The following RBFOX1 variants were observed in gnomAD, a reference collection of about 807,000 sequenced individuals.
RBFOX1 encodes the protein RNA binding fox-1 homolog 1.
RBFOX1 carries 8 observed loss-of-function variants against 57.7 expected under a neutral mutation model. The ratio of observed to expected loss-of-function variants is 0.14; its 90% CI spans 0.08 to 0.25. The LOEUF is 0.25. Ranked by LOEUF, RBFOX1 falls within the 10% of genes least tolerant of loss-of-function variation. The pLI, the probability that RBFOX1 is intolerant of heterozygous loss-of-function variation, is 1.00. For synonymous variants in RBFOX1, 326 were observed against 222.4 expected (o/e 1.47, Z -4.15); for missense variants, 611 against 548.5 (o/e 1.11, Z -1.14).
intron 3 of RBFOX1, among the ~76,000 whole-genome samples, chr16:6,924,063 G>T (rs180992197): frequency 6.6e-6 from 1 of 151,930 alleles, no homozygotes; most frequent in African/African-American, 2.4e-5. Context: ...CCAGCTTCTC[G>T]GGAGACTGAG....
At chr16:5,705,653 G>C (rs1055455251) in intron 3 of RBFOX1, among the ~76,000 whole-genome samples, 1 of 152,170 alleles carries the variant, frequency 6.6e-6, no homozygotes, top group African/African-American at 2.4e-5. Context: ...TTAAGTGACT[G>C]AGCAATGAGG....
chr16:5,785,007 G>A (rs904488349), intron 3 of RBFOX1, among the ~76,000 whole-genome samples: 7 of 152,208 alleles, frequency 4.6e-5, no homozygotes, highest in African/African-American at 1.7e-4. Flanking sequence ...TCACTGGGTT[G>A]TTGTGGGGAT....
chr16:6,732,537 G>T (rs554868930), intron 3 of RBFOX1, among the ~76,000 whole-genome samples: 26 of 152,326 alleles, frequency 1.7e-4, no homozygotes, highest in African/African-American at 5.5e-4. Context: ...TAGTGTAGCA[G>T]GCAATTGCTT....
chr16:6,078,171 A>T (rs2095938713), intron 1 of RBFOX1, among the ~76,000 whole-genome samples: 1 of 152,170 alleles, frequency 6.6e-6, no homozygotes. Context: ...AACATGTATG[A>T]GGAAATGCTT....
Position 7,202,281 on chromosome 16 carries a change from A to G in RBFOX1, c.27+150183A>G, listed in dbSNP as rs189834265. ...TACAATGAGATACCACCTCACACAC[A>G]TTAGGATGGCTGCAAATAAAAAAAA... On this transcript the variant is annotated intron_variant, in intron 4 of 15. Coordinates refer to ENST00000550418, the MANE Select transcript of RBFOX1 (RefSeq NM_018723.4). Among the ~76,000 whole-genome samples the G allele has an allele frequency of 6.2e-5, 9 of 144,422 alleles. No individual in the cohort carries two copies. In the East Asian group the frequency reaches 1.6e-3, roughly 25 times the overall value. The allele number at this position is 144,422 out of a possible 152,430, so 94.7% of individuals were successfully genotyped here.
intron 1 of RBFOX1, among the ~76,000 whole-genome samples, chr16:6,186,099 G>A (rs1476918965): frequency 6.6e-6 from 1 of 152,158 alleles, no homozygotes; most frequent in African/African-American, 2.4e-5. Flanking sequence ...TTTCTGACAT[G>A]ATTATATCTG....
At chr16:6,350,629 C>T (rs1041426911) in intron 2 of RBFOX1, among the ~76,000 whole-genome samples, 2 of 152,088 alleles carry the variant, frequency 1.3e-5, no homozygotes, top group African/African-American at 4.8e-5. Context: ...AGACCTTTTA[C>T]TAGTAACCTT....
intron 3 of RBFOX1, among the ~76,000 whole-genome samples, chr16:6,784,858 G>C (rs888900871): frequency 1.2e-4 from 19 of 152,072 alleles, no homozygotes; most frequent in African/African-American, 4.6e-4. Flanking sequence ...GAAGTTGAAA[G>C]AGTTGTATAA....
intron 2 of RBFOX1, among the ~76,000 whole-genome samples, chr16:6,462,161 C>T (rs538414136): frequency 4.6e-5 from 7 of 152,100 alleles, no homozygotes; most frequent in Non-Finnish European, 1.0e-4. Context: ...GGTTTTGGAA[C>T]CGTTAACCCA....
intron 4 of RBFOX1, among the ~76,000 whole-genome samples, chr16:7,204,536 C>T (rs1220647696): frequency 2.0e-5 from 3 of 152,036 alleles, no homozygotes; most frequent in Non-Finnish European, 4.4e-5. Flanking sequence ...GTCCCAGTTA[C>T]GCAGGAAGCT....
intron 2 of RBFOX1, among the ~76,000 whole-genome samples, chr16:5,476,449 A>G (rs1312570545): frequency 6.6e-6 from 1 of 152,116 alleles, no homozygotes; most frequent in Non-Finnish European, 1.5e-5. Flanking sequence ...TCCCTACTTA[A>G]TTGACATAGT....
chr16:5,245,065 A>G (rs1035236390), intron 1 of RBFOX1, among the ~76,000 whole-genome samples: 4 of 152,138 alleles, frequency 2.6e-5, no homozygotes, highest in African/African-American at 9.7e-5. Flanking sequence ...TAAGGTGGTC[A>G]TTTTTCTTCT....
intron 2 of RBFOX1, among the ~76,000 whole-genome samples, chr16:6,375,414 A>ATT (rs71145222): frequency 0.032 from 4,750 of 149,012 alleles, 211 homozygotes; most frequent in African/African-American, 0.1. Flanking sequence ...GCTCTAGAGT[A>ATT]TTTTTTTTTT....
intron 3 of RBFOX1, among the ~76,000 whole-genome samples, chr16:6,877,175 T>C (rs948559738): frequency 6.6e-5 from 10 of 152,222 alleles, no homozygotes; most frequent in Admixed American, 1.3e-4. Flanking sequence ...AGATATCTTA[T>C]TTCTGCAGCC....
chr16:6,816,572 T>A (rs991715816), intron 3 of RBFOX1, among the ~76,000 whole-genome samples: 1 of 151,660 alleles, frequency 6.6e-6, no homozygotes, highest in Admixed American at 6.6e-5. Context: ...AAACCCCGTC[T>A]CTACTAAAAA....
chr16:5,511,528 G>A (rs2043592789), intron 2 of RBFOX1, among the ~76,000 whole-genome samples: 1 of 152,132 alleles, frequency 6.6e-6, no homozygotes, highest in South Asian at 2.1e-4. Context: ...AGCATCATCT[G>A]TTACTTCCCT....
intron 3 of RBFOX1, among the ~76,000 whole-genome samples, chr16:6,950,041 G>A (rs983866885): frequency 4.6e-5 from 7 of 151,504 alleles, no homozygotes; most frequent in Non-Finnish European, 5.9e-5. Flanking sequence ...CTGCCTCCTG[G>A]GTTCAAGTGA....
At chr16:7,326,122 A>G (rs918828336) in intron 4 of RBFOX1, among the ~76,000 whole-genome samples, 4 of 152,210 alleles carry the variant, frequency 2.6e-5, no homozygotes, top group Middle Eastern at 3.2e-3. Flanking sequence ...CCCACAGGTA[A>G]CAGATCATTC....
At chr16:7,102,882 C>A (rs1361429050) in intron 4 of RBFOX1, among the ~76,000 whole-genome samples, 1 of 152,040 alleles carries the variant, frequency 6.6e-6, no homozygotes, top group African/African-American at 2.4e-5. Context: ...GCATGCACTT[C>A]AATTGAGTGC....
Sources: gnomAD v4.1 joint callset for allele counts (sites outside exome capture counted in the v4.1 genomes callset) on GRCh38, gnomAD v4.1.1 for gene constraint, MANE v1.5 for transcripts, NCBI Gene and HGNC (gene_info 2026-07-23, HGNC 2026-07-21) for gene names.